Variants in MCFD2 observed in about 807,000 individuals in gnomAD.
MCFD2 encodes multiple coagulation factor deficiency protein 2.
MCFD2 carries 11 observed loss-of-function variants against 12.8 expected under a neutral mutation model. The ratio of observed to expected loss-of-function variants is 0.86; its 90% CI spans 0.54 to 1.42. The LOEUF is 1.42. MCFD2 is among the 40% of genes most tolerant of loss of function. The pLI, the probability that MCFD2 is intolerant of heterozygous loss-of-function variation, is 0.00. For missense variants in MCFD2, 191 were observed against 178.6 expected (o/e 1.07, Z -0.40); for synonymous variants, 70 against 68.1 (o/e 1.03, Z -0.14).
chr2:46,917,074 C>T, upstream of MCFD2: 2 of 661,996 alleles, frequency 3.0e-6, no homozygotes, highest in South Asian at 1.7e-5. Context: ...CCTAACGCCA[C>T]TGCCATTGAC....
At chr2:46,911,252 C>T (rs1480709111) in intron 1 of MCFD2, among the ~76,000 whole-genome samples, 2 of 151,982 alleles carry the variant, frequency 1.3e-5, no homozygotes, top group East Asian at 1.9e-4. Flanking sequence ...CTCAGCCTCC[C>T]GAGTAGCTGG....
intron 1 of MCFD2, among the ~76,000 whole-genome samples, chr2:46,932,849 G>A (rs1669780735): frequency 6.8e-6 from 1 of 146,474 alleles, no homozygotes; most frequent in Non-Finnish European, 1.5e-5. Context: ...TGCAGCAAGC[G>A]CAGATCGCAC....
intron 1 of MCFD2, among the ~76,000 whole-genome samples, chr2:46,926,425 A>G (rs763284918): frequency 7.2e-5 from 11 of 152,194 alleles, no homozygotes; most frequent in Admixed American, 6.5e-4. Flanking sequence ...CCAGGTCGCC[A>G]TGGGAGCACA....
chr2:46,916,197 C>T, upstream of MCFD2: 1 of 978,708 alleles, frequency 1.0e-6, no homozygotes. Context: ...TTGGTTCGTC[C>T]TGCTGCAAGT....
chr2:46,918,466 G>C (rs974802060), upstream of MCFD2, among the ~76,000 whole-genome samples: 6 of 152,198 alleles, frequency 3.9e-5, no homozygotes, highest in East Asian at 9.6e-4. Context: ...TAGTCCATAA[G>C]TGAGAAGCCA....
chr2:46,919,748 AGAG>A, upstream of MCFD2, among the ~76,000 whole-genome samples: 1 of 152,324 alleles, frequency 6.6e-6, no homozygotes, highest in South Asian at 2.1e-4. Flanking sequence ...CTGCACAAGT[AGAG>A]GAAAAAACAA....
chr2:46,913,635 C>G (rs1668573669), intron 1 of MCFD2: 1 of 152,346 alleles, frequency 6.6e-6, no homozygotes, highest in South Asian at 2.1e-4. Flanking sequence ...TTATAAAGGC[C>G]AGGCTGAAGA....
chr2:46,906,426 G>C (rs1438230358), intron 3 of MCFD2, among the ~76,000 whole-genome samples: 1 of 151,228 alleles, frequency 6.6e-6, no homozygotes, highest in Non-Finnish European at 1.5e-5. Flanking sequence ...CCTCTCTATA[G>C]AGGGCAGTGT....
At position 46,904,587 on chromosome 2, in the gene MCFD2, C is replaced by T. The variant is rs1668141565; in HGVS notation, c.*876G>A. On this transcript the variant is annotated 3_prime_UTR_variant, in exon 4 of 4. Coordinates refer to ENST00000319466, the MANE Select transcript of MCFD2 (RefSeq NM_139279.6). ...TTTGACAGCCCTGCTGGATTTCGGA[C>T]TTGCATGGGCCCTGTAACCCCTTTA... The T allele has an allele frequency of 1.3e-5, 2 of 152,216 alleles. No individual in the cohort carries two copies. Among genetic ancestry groups the T allele is most frequent in the African/African-American group, 4.8e-5 (2 of 41,448 alleles). 9.4% of individuals were successfully genotyped at this position (152,216 alleles called of 1,614,324 possible).
At chr2:46,916,203 C>T (rs757347504), upstream of MCFD2, 4 of 973,456 alleles carry the variant, frequency 4.1e-6, no homozygotes, top group Non-Finnish European at 4.9e-6. Context: ...CGTCCTGCTG[C>T]AAGTTGGGAA....
At chr2:46,933,884 C>A (rs1362726208) in intron 1 of MCFD2, among the ~76,000 whole-genome samples, 2 of 152,120 alleles carry the variant, frequency 1.3e-5, no homozygotes, top group African/African-American at 2.4e-5. Context: ...GCTGGGAACA[C>A]AGGGCTCTAA....
rs376476823 is a variant in MCFD2 at position 46,909,067 on chromosome 2, T to C, written c.105A>G (p.Gln35=). 5.6e-6 allele frequency: 9 copies of C among 1,613,954 alleles called. No homozygotes were observed. Among genetic ancestry groups the C allele is most frequent in the Non-Finnish European group, 6.8e-6 (8 of 1,180,022 alleles). Residue 35 remains glutamine (Q), a synonymous_variant, in exon 2 of 4, where the codon CAA becomes CAG. Transcript: ENST00000319466. ...TCTTATCCAGGCCCATGCTGCCGGG[T>C]TGGGAGAAGCTGGCTGCAGGCTCCT... ...RAEEPAASFS[Q]PGSMGLDKNT...
At chr2:46,923,618 G>GTGA (rs1170786716) in intron 1 of MCFD2, among the ~76,000 whole-genome samples, 1 of 152,198 alleles carries the variant, frequency 6.6e-6, no homozygotes, top group African/African-American at 2.4e-5. Context: ...TTGACCAGGT[G>GTGA]TGATGGTTCA....
At position 46,940,658 on chromosome 2, in the gene MCFD2, A is replaced by G. The variant is rs1366180104; in HGVS notation, c.-8+914T>C. On this transcript the variant is annotated intron_variant, in intron 1 of 2. Transcript: ENST00000409147. The surrounding 1 kb of genome is among the most constrained non-coding windows in gnomAD (Gnocchi z 4.7). ...AGAGGACAGGTCAACGGGTTAGGGA[A>G]GTCAAGTTGGAAAGAGGAACTCCGC... 6.6e-6 allele frequency among the ~76,000 whole-genome samples: 1 copy of G among 152,256 alleles called. No homozygotes were observed. The highest frequency in any genetic ancestry group is 1.5e-5 in the Non-Finnish European group (1 of 68,048).
At chr2:46,916,527 C>T (rs140556786), upstream of MCFD2, 3 of 152,672 alleles carry the variant, frequency 2.0e-5, no homozygotes, top group African/African-American at 7.2e-5. Context: ...CGAATTCATC[C>T]CTGTATAATC....
upstream of MCFD2, chr2:46,917,307 C>T (rs1452486659): frequency 1.5e-6 from 1 of 648,790 alleles, no homozygotes; most frequent in Non-Finnish European, 2.7e-6. Context: ...CAAAGAATCC[C>T]TAAGTTTTGA....
chr2:46,928,748 T>C, intron 1 of MCFD2, among the ~76,000 whole-genome samples: 1 of 149,136 alleles, frequency 6.7e-6, no homozygotes, highest in East Asian at 2.0e-4. Context: ...CCAGCGTGGG[T>C]AATGTGAGAC....
intron 1 of MCFD2, among the ~76,000 whole-genome samples, chr2:46,921,024 G>A (rs6716381): frequency 0.29 from 43,181 of 151,280 alleles, 8,595 homozygotes; most frequent in African/African-American, 0.57. Context: ...TACTTTCTCA[G>A]CCTGACAGGG....
At position 46,907,994 on chromosome 2, in the gene MCFD2, G is replaced by C; in HGVS notation, c.150-25C>G. On this transcript the variant is annotated intron_variant, in intron 2 of 3. Transcript: ENST00000319466. The surrounding 1 kb of genome is among the most constrained non-coding windows in gnomAD (Gnocchi z 4.1). ...CCTAAAAATCAACAGTCAGGTTCAG[G>C]CCAATTGACAGATACTGGGATCATG... is the stretch of plus-strand genomic sequence containing the variant. The C allele has an allele frequency of 6.2e-7, 1 of 1,613,354 alleles. No homozygotes were observed. The highest frequency in any genetic ancestry group is 8.5e-7 in the Non-Finnish European group (1 of 1,179,824).
Sources: gnomAD v4.1 joint callset for allele counts (sites outside exome capture counted in the v4.1 genomes callset) on GRCh38, gnomAD v4.1.1 for gene constraint, Gnocchi (gnomAD v3.1) non-coding constraint, MANE v1.5 for transcripts, NCBI Gene and HGNC (gene_info 2026-07-23, HGNC 2026-07-21) for gene names.